PTPN1: variants seen among roughly 807,000 people sequenced by gnomAD.
PTPN1 encodes the protein tyrosine-protein phosphatase non-receptor type 1.
PTPN1 carries 12 observed loss-of-function variants against 59.9 expected under a neutral mutation model. That is an observed-to-expected ratio of 0.20 (90% CI 0.13 to 0.32). The LOEUF (loss-of-function observed/expected upper bound fraction) is 0.32. Ranked by LOEUF, PTPN1 falls within the 10% of genes least tolerant of loss-of-function variation. The pLI, the probability that PTPN1 is intolerant of heterozygous loss-of-function variation, is 1.00. For synonymous variants in PTPN1, 178 were observed against 203.6 expected (o/e 0.87, Z 1.07); for missense variants, 356 against 549.2 (o/e 0.65, Z 3.52).
In PTPN1 at chr20:50,510,441, G is replaced by A. The variant is rs1226371717; in HGVS notation, c.-87G>A. 7 of 1,428,640 alleles carry A rather than the reference G, an allele frequency of 4.9e-6. No individual in the cohort carries two copies. Among genetic ancestry groups the A allele is most frequent in the African/African-American group, 2.9e-5 (2 of 68,576 alleles). The allele number at this position is 1,428,640 out of a possible 1,614,324, so 88.5% of individuals were successfully genotyped here. A position where few individuals can be genotyped will look rare whatever the true frequency, so the allele number is the denominator to read the frequency against. On this transcript the variant is annotated 5_prime_UTR_variant, in exon 1 of 10. Coordinates refer to ENST00000371621, the MANE Select transcript of PTPN1 (RefSeq NM_002827.4). ...CTGCAGGGGTCGGGGATTGCAGCGG[G>A]CCTCGGGGCTAAGAGCGCGACGCGG...
intron 1 of PTPN1, among the ~76,000 whole-genome samples, chr20:50,535,487 T>A (rs2082620623): frequency 6.6e-6 from 1 of 152,178 alleles, no homozygotes; most frequent in Non-Finnish European, 1.5e-5. Flanking sequence ...AATATTTTAT[T>A]ATGAATACTC....
chr20:50,525,417 A>G (rs1368940523), intron 1 of PTPN1, among the ~76,000 whole-genome samples: 2 of 152,210 alleles, frequency 1.3e-5, no homozygotes, highest in African/African-American at 4.8e-5. Flanking sequence ...TGATTTCCTG[A>G]TTGCTCCCCG....
chr20:50,575,949 T>A (rs1487004762), intron 5 of PTPN1, among the ~76,000 whole-genome samples: 1 of 151,902 alleles, frequency 6.6e-6, no homozygotes, highest in Non-Finnish European at 1.5e-5. Context: ...ATAAAAAAAA[T>A]AGTAGAAGTA....
chr20:50,521,411 A>G (rs909456404), intron 1 of PTPN1, among the ~76,000 whole-genome samples: 3 of 152,232 alleles, frequency 2.0e-5, no homozygotes, highest in African/African-American at 4.8e-5. Flanking sequence ...TATACTGTCA[A>G]TTGGTCTATA....
chr20:50,579,063 C>A, intron 6 of PTPN1, 105 bp from the exon 7 acceptor site: 2 of 1,307,530 alleles, frequency 1.5e-6, no homozygotes, highest in South Asian at 2.7e-5. Flanking sequence ...CACTAGGGAT[C>A]ACATTTCAGC....
Position 50,566,877 on chromosome 20 carries a change from G to A in PTPN1, c.256-1503G>A, listed in dbSNP as rs575900668. 5.9e-5 allele frequency among the ~76,000 whole-genome samples: 9 copies of A among 152,236 alleles called. No homozygotes were observed. In the South Asian group the frequency reaches 8.3e-4, roughly 14 times the overall value. ...GCAGTGACTGGGGTCTTCATGCCAGGGTGGAGAATGCAAGGCCCAGGTGGC... is the reference window on the plus strand; with the variant it reads ...GCAGTGACTGGGGTCTTCATGCCAGAGTGGAGAATGCAAGGCCCAGGTGGC... On this transcript the variant is annotated intron_variant, in intron 3 of 9. Coordinates refer to ENST00000371621, the MANE Select transcript of PTPN1 (RefSeq NM_002827.4).
intron 1 of PTPN1, among the ~76,000 whole-genome samples, chr20:50,517,401 T>C (rs1298218833): frequency 6.6e-6 from 1 of 152,118 alleles, no homozygotes; most frequent in East Asian, 1.9e-4. Flanking sequence ...ACTACAGGCA[T>C]GTGCCATCAC....
At chr20:50,580,104 G>A (rs1338475674) in intron 8 of PTPN1, among the ~76,000 whole-genome samples, 178 bp downstream of exon 8, 4 of 152,188 alleles carry the variant, frequency 2.6e-5, no homozygotes, top group East Asian at 1.9e-4. Context: ...CTGGAGGTCC[G>A]GTATTGGGCA....
intron 6 of PTPN1, 61 bp from the exon 7 acceptor site, chr20:50,579,107 T>A: frequency 6.5e-7 from 1 of 1,538,774 alleles, no homozygotes; most frequent in Non-Finnish European, 9.0e-7. Context: ...TCTAACGGTG[T>A]TATTAACGTT....
chr20:50,524,472 T>TAG (rs1473298093), intron 1 of PTPN1, among the ~76,000 whole-genome samples: 1,556 of 151,972 alleles, frequency 0.01, 28 homozygotes, highest in African/African-American at 0.035. Context: ...GTTCACTGAC[T>TAG]TGCAGCTGCC....
At chr20:50,532,592 G>T (rs1330700071) in intron 1 of PTPN1, among the ~76,000 whole-genome samples, 2 of 152,168 alleles carry the variant, frequency 1.3e-5, no homozygotes, top group Non-Finnish European at 2.9e-5. Flanking sequence ...TATACCTGCA[G>T]TATTCCAATT....
At chr20:50,551,355 A>G (rs573299273) in intron 1 of PTPN1, among the ~76,000 whole-genome samples, 34 of 152,218 alleles carry the variant, frequency 2.2e-4, no homozygotes, top group Admixed American at 2.0e-3. Context: ...GTGCTTGTGA[A>G]TCTTCCTAGC....
Position 50,568,445 on chromosome 20 carries a change from C to T in PTPN1, c.321C>T (p.Val107=), listed in dbSNP as rs745558030. Residue 107 remains valine (V), a synonymous_variant, in exon 4 of 10, where the codon GTC becomes GTT. Coordinates refer to ENST00000371621, the MANE Select transcript of PTPN1 (RefSeq NM_002827.4). This position sits in a 1 kb window ranked among gnomAD's most constrained non-coding sequence, Gnocchi z 5.6. ...TGTGGGAGCAGAAAAGCAGGGGTGT[C>T]GTCATGCTCAACAGAGTGATGGAGA... The part of the protein sequence containing the change: ...EMVWEQKSRG[V]VMLNRVMEKG... 1.7e-5 allele frequency: 27 copies of T among 1,614,088 alleles called. 1 individual carries two copies. The South Asian group carries it at 2.4e-4, about 14-fold the overall frequency.
chr20:50,580,051 G>A (rs1425574075), intron 8 of PTPN1, 125 bp downstream of exon 8: 4 of 875,942 alleles, frequency 4.6e-6, no homozygotes, highest in Non-Finnish European at 7.1e-6. Flanking sequence ...CCGCATCCTT[G>A]GGGAACAGGG....
At chr20:50,572,678 G>C (rs1048599846) in intron 4 of PTPN1, 1 of 152,154 alleles carries the variant, frequency 6.6e-6, no homozygotes, top group African/African-American at 2.4e-5. Flanking sequence ...ACCCCAGCAC[G>C]GGTGGGGTGG....
Position 50,561,447 on chromosome 20 carries a change from A to AC in PTPN1, c.148_149insC (p.Ser50ThrfsTer4). 6.2e-7 allele frequency: 1 copy of AC among 1,601,454 alleles called. No individual in the cohort carries two copies. The highest frequency in any genetic ancestry group is 8.6e-7 in the Non-Finnish European group (1 of 1,169,462). On this transcript the variant is annotated frameshift_variant, in exon 2 of 10. Transcript: ENST00000371621. LOFTEE classifies it high-confidence loss of function. ...AAACCGAAATAGGTACAGAGACGTC[A>AC]GTCCCTGTAAGTATCCACGTGGCCG...
intron 1 of PTPN1, among the ~76,000 whole-genome samples, chr20:50,547,050 T>C (rs1043430235): frequency 6.6e-6 from 1 of 152,198 alleles, no homozygotes; most frequent in African/African-American, 2.4e-5. Flanking sequence ...TTAAAAAAAA[T>C]AGTGGTTCCA....
chr20:50,580,135 A>G (rs2082859148), intron 8 of PTPN1, among the ~76,000 whole-genome samples: 1 of 152,166 alleles, frequency 6.6e-6, no homozygotes, highest in Non-Finnish European at 1.5e-5. Flanking sequence ...GCAGGACATG[A>G]GCCACTTCTG....
chr20:50,539,331 C>A (rs2082638530), intron 1 of PTPN1, among the ~76,000 whole-genome samples: 1 of 152,178 alleles, frequency 6.6e-6, no homozygotes. Flanking sequence ...CCACCGCGCC[C>A]AGCCTCTTCT....
Sources: gnomAD v4.1 joint callset for allele counts (sites outside exome capture counted in the v4.1 genomes callset) on GRCh38, gnomAD v4.1.1 for gene constraint, Gnocchi (gnomAD v3.1) non-coding constraint, MANE v1.5 for transcripts, NCBI Gene and HGNC (gene_info 2026-07-23, HGNC 2026-07-21) for gene names.